Variants in SMIM7 observed in about 807,000 individuals in gnomAD.
The protein encoded by SMIM7 is UPF0608 protein C19orf42.
Under a neutral mutation model 13.3 loss-of-function variants are expected in SMIM7, and 12 were observed. That is an observed-to-expected ratio of 0.90 (90% CI 0.58 to 1.46). SMIM7 has a LOEUF of 1.46. Among genes scored for constraint, SMIM7 ranks in the 40% most tolerant of loss-of-function variants. SMIM7 has a pLI of 0.00. For missense variants in SMIM7, 114 were observed against 94.8 expected, an observed-to-expected ratio of 1.20 and a Z score of -0.84; for synonymous variants, 36 against 35.8, an observed-to-expected ratio of 1.01 and a Z score of -0.02.
chr19:16,659,761 A>C, intron 2 of SMIM7, 198 bp downstream of exon 2: 1 of 705,144 alleles, frequency 1.4e-6, no homozygotes, highest in Non-Finnish European at 2.4e-6. Context: ...CAACCAAGGA[A>C]CGGAGAGTAT....
At chr19:16,641,434 G>T (rs1250204595), downstream of SMIM7, 1 of 151,888 alleles carries the variant, frequency 6.6e-6, no homozygotes, top group African/African-American at 2.4e-5. Context: ...TAGTAACTGG[G>T]ATTACAGGCC....
At chr19:16,652,907 C>G in intron 4 of SMIM7, 1 of 1,550,568 alleles carries the variant, frequency 6.4e-7, no homozygotes, top group Non-Finnish European at 8.7e-7. Flanking sequence ...ACAGTAGTAT[C>G]AGAGTTATGG....
At chr19:16,642,901 G>A (rs1180392715), downstream of SMIM7, among the ~76,000 whole-genome samples, 1 of 147,920 alleles carries the variant, frequency 6.8e-6, no homozygotes, top group Non-Finnish European at 1.5e-5. Context: ...ATGGCTCACT[G>A]CGACCTCCAC....
At chr19:16,633,328 C>T (rs975168488) in intron 4 of SMIM7, among the ~76,000 whole-genome samples, 7 of 151,902 alleles carry the variant, frequency 4.6e-5, no homozygotes, top group East Asian at 1.9e-4. Context: ...AGGTGGTGCG[C>T]GCCTGTAATC....
At chr19:16,659,817 G>C in intron 2 of SMIM7, 142 bp downstream of exon 2, 3 of 1,106,418 alleles carry the variant, frequency 2.7e-6, no homozygotes, top group Admixed American at 4.0e-5. Flanking sequence ...AGATAAACCA[G>C]GCTGGAGGCG....
At chr19:16,651,985 T>C (rs1421943267) in intron 4 of SMIM7, among the ~76,000 whole-genome samples, 1 of 150,220 alleles carries the variant, frequency 6.7e-6, no homozygotes. Context: ...GAGGGAAGCA[T>C]GCTGACTTCT....
At chr19:16,658,308 G>A (rs2086623123) in intron 3 of SMIM7, among the ~76,000 whole-genome samples, 1 of 152,198 alleles carries the variant, frequency 6.6e-6, no homozygotes, top group Non-Finnish European at 1.5e-5. Flanking sequence ...CCAGCACCTA[G>A]CACAGTAGCC....
chr19:16,655,518 TA>T, intron 3 of SMIM7: 3 of 423,786 alleles, frequency 7.1e-6, no homozygotes, highest in South Asian at 4.9e-5. Context: ...ACGTCTCTAC[TA>T]AAAATACAAA....
chr19:16,659,009 A>G (rs1381589687), intron 3 of SMIM7: 1 of 278,282 alleles, frequency 3.6e-6, no homozygotes, highest in Non-Finnish European at 7.1e-6. Context: ...TTAAAGAGAA[A>G]ACTTGTGGCT....
At chr19:16,636,701 T>A (rs1479855228) in intron 4 of SMIM7, among the ~76,000 whole-genome samples, 6 of 152,216 alleles carry the variant, frequency 3.9e-5, no homozygotes. Context: ...CCTATAATCC[T>A]GGCACTTTGG....
chr19:16,658,220 CT>C (rs1185018440), intron 3 of SMIM7, among the ~76,000 whole-genome samples: 3 of 152,220 alleles, frequency 2.0e-5, no homozygotes, highest in African/African-American at 7.2e-5. Flanking sequence ...ACCTCTGTCA[CT>C]ATCTATTCCC....
chr19:16,650,568 AGTGTGGTGGTGC>A, intron 4 of SMIM7, among the ~76,000 whole-genome samples: 1 of 152,200 alleles, frequency 6.6e-6, no homozygotes, highest in Non-Finnish European at 1.5e-5. Context: ...AAATTAGCCA[AGTGTGGTGGTGC>A]GTGCCTGTAG....
At position 16,657,223 on chromosome 19, in the gene SMIM7, G is replaced by T. The variant is rs1196771225; in HGVS notation, c.121+2172C>A. Among the ~76,000 whole-genome samples the T allele has an allele frequency of 3.3e-5, 5 of 152,232 alleles. No homozygotes were observed. The East Asian group carries it at 9.6e-4, about 29-fold the overall frequency. Reference sequence around the variant, plus strand: ...GCAAAGAGCAGCTCCCACAGGGGAAGCAGCAGGTGCAGCACCTGGGCTGGA... The same window carrying T: ...GCAAAGAGCAGCTCCCACAGGGGAATCAGCAGGTGCAGCACCTGGGCTGGA... On this transcript the variant is annotated intron_variant, in intron 3 of 4. Coordinates refer to ENST00000487416, the MANE Select transcript of SMIM7 (RefSeq NM_024104.4).
intron 4 of SMIM7, among the ~76,000 whole-genome samples, chr19:16,653,176 C>T (rs2086550922): frequency 1.3e-5 from 2 of 152,184 alleles, no homozygotes; most frequent in Non-Finnish European, 2.9e-5. Context: ...CCGGGCATAG[C>T]CGGGGGCTGG....
rs981063190 is a variant in SMIM7, at chr19:16,653,966, A to C, written c.212+69T>G. 17 of 1,206,712 alleles carry C rather than the reference A, an allele frequency of 1.4e-5. No homozygotes were observed. The Admixed American group carries it at 3.2e-4, about 23-fold the overall frequency. 74.8% of individuals were successfully genotyped at this position (1,206,712 alleles called of 1,614,324 possible). A position where few individuals can be genotyped will look rare whatever the true frequency, so the allele number is the denominator to read the frequency against. ...ATGACTGAAAAGACAGAGAATGACC[A>C]TCAGGTGGGTCACCCTGGAGAAGGA... On this transcript the variant is annotated intron_variant, in intron 4 of 4. Transcript: ENST00000487416.
downstream of SMIM7, chr19:16,641,198 T>C (rs2086401345): frequency 6.6e-6 from 1 of 152,158 alleles, no homozygotes; most frequent in Admixed American, 6.6e-5. Context: ...CCATATGGTC[T>C]CTGTGCCACT....
intron 4 of SMIM7, 36 bp from the exon 5 acceptor site, chr19:16,647,297 T>A: frequency 6.2e-7 from 1 of 1,613,376 alleles, no homozygotes; most frequent in South Asian, 1.1e-5. Flanking sequence ...TCTGTGAGGA[T>A]AGGAGGTGAC....
chr19:16,656,193 C>A (rs972243158), intron 3 of SMIM7, among the ~76,000 whole-genome samples: 1 of 152,048 alleles, frequency 6.6e-6, no homozygotes, highest in Non-Finnish European at 1.5e-5. Flanking sequence ...TGAGATCAGC[C>A]TGGCTAACAT....
intron 4 of SMIM7, chr19:16,634,382 A>C (rs1392309114): frequency 2.0e-5 from 3 of 152,196 alleles, no homozygotes; most frequent in Non-Finnish European, 4.4e-5. Flanking sequence ...AAGAGAATGC[A>C]GTGGAAACCA....
Sources: allele counts gnomAD v4.1 joint callset (sites outside exome capture counted in the v4.1 genomes callset), GRCh38; gene constraint gnomAD v4.1.1; transcripts MANE v1.5; gene names NCBI Gene and HGNC (gene_info 2026-07-23, HGNC 2026-07-21).